FLVCR2: variants seen among roughly 807,000 people sequenced by gnomAD.
FLVCR2 encodes the protein choline/ethanolamine transporter FLVCR2.
A neutral mutation model predicts 48.9 loss-of-function variants in FLVCR2; 38 were observed. That is an observed-to-expected ratio of 0.78 (90% confidence interval 0.60 to 1.02). The LOEUF is 1.02. FLVCR2 is among the 50% of genes least tolerant of loss of function. The pLI, the probability that FLVCR2 is intolerant of heterozygous loss-of-function variation, is 0.00. For synonymous variants in FLVCR2, 255 were observed against 257.0 expected (o/e 0.99, Z 0.07); for missense variants, 664 against 663.3 (o/e 1.00, Z -0.01).
At chr14:75,597,291 A>AAAG (rs59485467) in intron 1 of FLVCR2, among the ~76,000 whole-genome samples, 3 of 146,616 alleles carry the variant, frequency 2.0e-5, no homozygotes, top group Admixed American at 6.7e-5. Flanking sequence ...AAAAAAAAAA[A>AAAG]AAGAAGAAGA....
At chr14:75,609,167 G>T (rs1355634171) in intron 1 of FLVCR2, among the ~76,000 whole-genome samples, 1 of 152,038 alleles carries the variant, frequency 6.6e-6, no homozygotes, top group East Asian at 1.9e-4. Context: ...CATTTTCACA[G>T]CTGGGGATGC....
intron 1 of FLVCR2, among the ~76,000 whole-genome samples, chr14:75,608,493 A>C (rs1324730557): frequency 1.3e-5 from 2 of 152,070 alleles, no homozygotes; most frequent in Non-Finnish European, 2.9e-5. Context: ...GTGTAGGAAA[A>C]TGGCTGTGGT....
chr14:75,614,079 G>A (rs1889541013), intron 1 of FLVCR2, among the ~76,000 whole-genome samples: 1 of 152,192 alleles, frequency 6.6e-6, no homozygotes, highest in South Asian at 2.1e-4. Flanking sequence ...CTTTGGCAAG[G>A]ACAGCATCAT....
At chr14:75,624,109 C>T (rs540571044) in intron 2 of FLVCR2, among the ~76,000 whole-genome samples, 6 of 151,532 alleles carry the variant, frequency 4.0e-5, no homozygotes, top group Admixed American at 1.3e-4. Flanking sequence ...CGCCTGTAAT[C>T]CCAGCACTAT....
At chr14:75,583,145 G>T (rs999031365) in intron 1 of FLVCR2, among the ~76,000 whole-genome samples, 1 of 152,294 alleles carries the variant, frequency 6.6e-6, no homozygotes, top group South Asian at 2.1e-4. Flanking sequence ...AAGAAAGCAT[G>T]TTTGAGATCC....
chr14:75,634,444 C>G (rs773419654), intron 4 of FLVCR2, among the ~76,000 whole-genome samples: 38 of 152,012 alleles, frequency 2.5e-4, no homozygotes, highest in Non-Finnish European at 4.4e-4. Flanking sequence ...TGATATAAAA[C>G]CTTAGGCATG....
At chr14:75,626,374 A>G (rs1217160160) in intron 3 of FLVCR2, among the ~76,000 whole-genome samples, 1 of 151,934 alleles carries the variant, frequency 6.6e-6, no homozygotes, top group Non-Finnish European at 1.5e-5. Flanking sequence ...TAGGCTCAAC[A>G]ATACATTTTA....
At position 75,605,619 on chromosome 14, in the gene FLVCR2, C is replaced by G. The variant is rs989312347; in HGVS notation, c.670-16460C>G. 6 of 1,536,036 alleles carry G rather than the reference C, an allele frequency of 3.9e-6. No homozygotes were observed. The Admixed American group carries it at 9.8e-5, about 25-fold the overall frequency. ...CATCTGTGTTTGTAGAAGCGTGAGA[C>G]AGGAGGTGAGGATAGATCTTACTTC... On this transcript the variant is annotated intron_variant, in intron 1 of 9. Coordinates refer to ENST00000238667, the MANE Select transcript of FLVCR2 (RefSeq NM_017791.3).
At chr14:75,646,322 C>A in intron 9 of FLVCR2, 79 bp from the exon 10 acceptor site, 1 of 964,256 alleles carries the variant, frequency 1.0e-6, no homozygotes, top group Non-Finnish European at 1.7e-6. Context: ...ACTGATTAGT[C>A]ATGGCCAGGC....
At chr14:75,589,629 T>C (rs1349708927) in intron 1 of FLVCR2, among the ~76,000 whole-genome samples, 2 of 152,224 alleles carry the variant, frequency 1.3e-5, no homozygotes, top group African/African-American at 4.8e-5. Context: ...GCATTACCCT[T>C]GTGGGGGCTC....
chr14:75,632,756 C>G, intron 3 of FLVCR2: 1 of 702,198 alleles, frequency 1.4e-6, no homozygotes, highest in Non-Finnish European at 2.6e-6. Flanking sequence ...TTAGAAAGAC[C>G]CCCGGTGGGC....
chr14:75,639,941 A>C (rs1236949217), intron 6 of FLVCR2, among the ~76,000 whole-genome samples: 1 of 152,194 alleles, frequency 6.6e-6, no homozygotes, highest in Non-Finnish European at 1.5e-5. Context: ...ATATGAAAGC[A>C]TCAAGAAGCA....
At chr14:75,613,543 C>CT in intron 1 of FLVCR2, among the ~76,000 whole-genome samples, 1 of 152,018 alleles carries the variant, frequency 6.6e-6, no homozygotes, top group South Asian at 2.1e-4. Flanking sequence ...CATGAGATTT[C>CT]TTTTTCTTTT....
intron 1 of FLVCR2, among the ~76,000 whole-genome samples, chr14:75,586,733 G>T (rs1054869013): frequency 9.9e-5 from 15 of 151,840 alleles, no homozygotes; most frequent in African/African-American, 3.6e-4. Context: ...CTGTTCAAAT[G>T]CTTCTTACAT....
intron 1 of FLVCR2, among the ~76,000 whole-genome samples, chr14:75,580,928 A>T (rs1188638319): frequency 6.6e-6 from 1 of 152,206 alleles, no homozygotes; most frequent in Non-Finnish European, 1.5e-5. Flanking sequence ...GAGGCCTGAC[A>T]TTCCTGTCTT....
intron 1 of FLVCR2, chr14:75,595,847 AGTCCCCCT>A: frequency 1.0e-6 from 1 of 952,778 alleles, no homozygotes; most frequent in South Asian, 1.3e-5. Context: ...TGGCCTTTGC[AGTCCCCCT>A]GACTTTCCTC....
At chr14:75,580,548 A>G (rs981707883) in intron 1 of FLVCR2, among the ~76,000 whole-genome samples, 4 of 152,252 alleles carry the variant, frequency 2.6e-5, no homozygotes, top group Non-Finnish European at 4.4e-5. Context: ...TGTGTGAGCA[A>G]CAAGGCTGTT....
chr14:75,580,711 G>T (rs1479939173), intron 1 of FLVCR2, among the ~76,000 whole-genome samples: 1 of 152,146 alleles, frequency 6.6e-6, no homozygotes, highest in African/African-American at 2.4e-5. Context: ...TCTCAAGGGT[G>T]GGGAGAATTA....
At chr14:75,624,865 T>C in intron 3 of FLVCR2, 113 bp downstream of exon 3, 1 of 1,329,222 alleles carries the variant, frequency 7.5e-7, no homozygotes, top group Non-Finnish European at 1.1e-6. Flanking sequence ...GTAAAGCTGT[T>C]GTCTAGGGTC....
Sources: allele counts gnomAD v4.1 joint callset (sites outside exome capture counted in the v4.1 genomes callset), GRCh38; gene constraint gnomAD v4.1.1; transcripts MANE v1.5; gene names NCBI Gene and HGNC (gene_info 2026-07-23, HGNC 2026-07-21).